SUPT3H: variants seen among roughly 807,000 people sequenced by gnomAD.
The protein encoded by SUPT3H is SPT3 homolog, SAGA and STAGA complex component.
A neutral mutation model predicts 44.3 loss-of-function variants in SUPT3H; 44 were observed. The ratio of observed to expected loss-of-function variants is 0.99; its 90% CI spans 0.78 to 1.28. SUPT3H has a LOEUF of 1.28. SUPT3H is among the 50% of genes most tolerant of loss of function. The pLI is 0.00. For synonymous variants in SUPT3H, 124 were observed against 125.6 expected (o/e 0.99, Z 0.09); for missense variants, 380 against 387.1 (o/e 0.98, Z 0.15).
At chr6:45,360,365 T>C (rs956245600) in intron 2 of SUPT3H, among the ~76,000 whole-genome samples, 1 of 152,220 alleles carries the variant, frequency 6.6e-6, no homozygotes, top group Non-Finnish European at 1.5e-5. Flanking sequence ...TTATTATCAC[T>C]GATATTATTA....
chr6:45,248,446 C>G lies in SUPT3H; in HGVS notation c.101+116755G>C, dbSNP rs187260019. On this transcript the variant is annotated intron_variant, in intron 2 of 10. Transcript: ENST00000371459. Reference sequence around the variant, plus strand: ...GTAAATAAAAAAGGAAAATGCTGAGCAGATACTTCACCAAGGAAGGTTTAC... The same window carrying G: ...GTAAATAAAAAAGGAAAATGCTGAGGAGATACTTCACCAAGGAAGGTTTAC... Among the ~76,000 whole-genome samples the G allele has an allele frequency of 5.9e-5, 9 of 152,164 alleles. No individual in the cohort carries two copies. In the East Asian group the frequency reaches 1.2e-3, roughly 20 times the overall value.
chr6:45,179,151 C>T (rs1189161831), intron 2 of SUPT3H, among the ~76,000 whole-genome samples: 1 of 152,160 alleles, frequency 6.6e-6, no homozygotes, highest in Non-Finnish European at 1.5e-5. Context: ...AATTCCTCGA[C>T]ACGTACACTC....
At chr6:45,124,554 A>T (rs1802142358) in intron 2 of SUPT3H, among the ~76,000 whole-genome samples, 2 of 151,970 alleles carry the variant, frequency 1.3e-5, no homozygotes, top group African/African-American at 4.8e-5. Context: ...CTGAGGCAGG[A>T]GAATCCCTTG....
At chr6:45,163,056 C>CAT (rs964986084) in intron 2 of SUPT3H, among the ~76,000 whole-genome samples, 2 of 152,110 alleles carry the variant, frequency 1.3e-5, no homozygotes, top group Non-Finnish European at 2.9e-5. Flanking sequence ...TACAGAACAA[C>CAT]ATATATATTG....
At chr6:45,190,758 C>A (rs1198674988) in intron 2 of SUPT3H, among the ~76,000 whole-genome samples, 2 of 152,034 alleles carry the variant, frequency 1.3e-5, no homozygotes, top group Non-Finnish European at 2.9e-5. Flanking sequence ...ATAAGAATCT[C>A]AAACATGGGC....
At chr6:45,106,269 A>G (rs1799263601) in intron 2 of SUPT3H, among the ~76,000 whole-genome samples, 1 of 152,052 alleles carries the variant, frequency 6.6e-6, no homozygotes, top group South Asian at 2.1e-4. Context: ...CCGCCTCTAC[A>G]ATAAATACAA....
At chr6:45,332,707 TA>T (rs1787756822) in intron 2 of SUPT3H, among the ~76,000 whole-genome samples, 1 of 151,716 alleles carries the variant, frequency 6.6e-6, no homozygotes, top group South Asian at 2.1e-4. Flanking sequence ...CTATTAAAAA[TA>T]TATAAAAACA....
At chr6:44,909,142 C>CGTGTGCGT (rs1766603337) in intron 10 of SUPT3H, among the ~76,000 whole-genome samples, 1 of 146,958 alleles carries the variant, frequency 6.8e-6, no homozygotes, top group Non-Finnish European at 1.5e-5. Flanking sequence ...TGTGTGTGTG[C>CGTGTGCGT]GTGTGTGTGT....
chr6:44,998,460 T>C (rs1380174539), intron 6 of SUPT3H, among the ~76,000 whole-genome samples: 3 of 151,952 alleles, frequency 2.0e-5, no homozygotes, highest in Non-Finnish European at 2.9e-5. Flanking sequence ...TTAGTATTGA[T>C]TGGTGCAAAA....
chr6:45,177,571 C>A (rs1812208140), intron 2 of SUPT3H, among the ~76,000 whole-genome samples: 1 of 146,560 alleles, frequency 6.8e-6, no homozygotes, highest in Admixed American at 6.7e-5. Context: ...ACACAGAACA[C>A]CACAAAGATA....
chr6:45,124,295 T>C (rs1457935940), intron 2 of SUPT3H, among the ~76,000 whole-genome samples: 1 of 152,040 alleles, frequency 6.6e-6, no homozygotes, highest in Non-Finnish European at 1.5e-5. Context: ...TCAAAATATA[T>C]GGAAAACAAG....
Position 45,002,902 on chromosome 6 carries a change from C to T in SUPT3H, c.504+751G>A, listed in dbSNP as rs772065594. ...ACATCTTTTGCAATTCTGAAATTAC[C>T]TCCATTGCCCAACTGAAAGAGAAGG... is the stretch of plus-strand genomic sequence containing the variant. On this transcript the variant is annotated intron_variant, in intron 6 of 10. Transcript: ENST00000371459. Among the ~76,000 whole-genome samples the T allele has an allele frequency of 1.5e-4, 23 of 152,050 alleles. 1 individual carries two copies. Among genetic ancestry groups the T allele is most frequent in the Admixed American group, 7.2e-4 (11 of 15,240 alleles).
At chr6:45,342,052 T>C (rs1789889668) in intron 2 of SUPT3H, among the ~76,000 whole-genome samples, 1 of 148,780 alleles carries the variant, frequency 6.7e-6, no homozygotes. Flanking sequence ...GAAGAGATAT[T>C]ACAAAGAAAC....
chr6:44,926,369 A>T (rs1182468936), intron 10 of SUPT3H, among the ~76,000 whole-genome samples: 1 of 152,094 alleles, frequency 6.6e-6, no homozygotes, highest in Non-Finnish European at 1.5e-5. Context: ...TATTGAAAAC[A>T]TATCGAATTA....
intron 10 of SUPT3H, among the ~76,000 whole-genome samples, chr6:44,900,989 C>T (rs996966121): frequency 6.6e-6 from 1 of 152,154 alleles, no homozygotes; most frequent in South Asian, 2.1e-4. Flanking sequence ...AACTAACAAA[C>T]AGAAGGAACA....
intron 2 of SUPT3H, among the ~76,000 whole-genome samples, chr6:45,342,990 T>C (rs761902839): frequency 4.6e-5 from 7 of 152,294 alleles, no homozygotes; most frequent in Middle Eastern, 3.4e-3. Flanking sequence ...GCAACCAACA[T>C]TTAAGCTCCC....
At chr6:45,354,911 AT>A (rs1317520383) in intron 2 of SUPT3H, among the ~76,000 whole-genome samples, 3 of 152,126 alleles carry the variant, frequency 2.0e-5, no homozygotes, top group Non-Finnish European at 4.4e-5. Flanking sequence ...GGCTTTTGGT[AT>A]TTTTTAATTT....
intron 3 of SUPT3H, among the ~76,000 whole-genome samples, chr6:45,063,808 G>C (rs1428513544): frequency 7.0e-6 from 1 of 142,824 alleles, no homozygotes; most frequent in Non-Finnish European, 1.5e-5. Flanking sequence ...ATGGGACTAT[G>C]TGAAAAGACC....
At chr6:44,858,421 C>T (rs186597676) in intron 10 of SUPT3H, among the ~76,000 whole-genome samples, 458 of 152,240 alleles carry the variant, frequency 3.0e-3, no homozygotes, top group Non-Finnish European at 4.8e-3. Context: ...CTCCATTTTA[C>T]GGATGAAGAA....
Sources: gnomAD v4.1 joint callset for allele counts (sites outside exome capture counted in the v4.1 genomes callset) on GRCh38, gnomAD v4.1.1 for gene constraint, MANE v1.5 for transcripts, NCBI Gene and HGNC (gene_info 2026-07-23, HGNC 2026-07-21) for gene names.